Variants in KLHDC1 observed in about 807,000 individuals in gnomAD.
KLHDC1 encodes kelch domain-containing protein 1.
Under a neutral mutation model 68.3 loss-of-function variants are expected in KLHDC1, and 53 were observed. That is an observed-to-expected ratio of 0.78 (90% CI 0.62 to 0.98). The LOEUF (loss-of-function observed/expected upper bound fraction) is 0.98. Ranked by LOEUF, KLHDC1 falls within the 50% of genes least tolerant of loss-of-function variation. KLHDC1 has a pLI of 0.00. For missense variants in KLHDC1, 470 were observed against 492.3 expected, an observed-to-expected ratio of 0.95 and a Z score of 0.43; for synonymous variants, 148 against 159.0, an observed-to-expected ratio of 0.93 and a Z score of 0.52.
At chr14:49,717,057 A>G (rs771586398) in intron 4 of KLHDC1, among the ~76,000 whole-genome samples, 27 of 152,166 alleles carry the variant, frequency 1.8e-4, no homozygotes, top group Admixed American at 2.0e-4. Context: ...ATTCCTTTTT[A>G]TGGCTGAGTA....
chr14:49,733,430 C>CTTTTTTTTTTTTTTTTTTTTT (rs763516095), intron 9 of KLHDC1, among the ~76,000 whole-genome samples: 1 of 138,710 alleles, frequency 7.2e-6, no homozygotes, highest in Non-Finnish European at 1.6e-5. Flanking sequence ...ATTTTCTTTT[C>CTTTTTTTTTTTTTTTTTTTTT]TTTTTTTTTT....
At chr14:49,706,708 T>C (rs1195754267) in intron 1 of KLHDC1, among the ~76,000 whole-genome samples, 2 of 152,240 alleles carry the variant, frequency 1.3e-5, no homozygotes, top group Admixed American at 1.3e-4. Context: ...ATTGTAGTTT[T>C]GATTTGCACT....
chr14:49,709,961 G>A (rs1888156551), intron 3 of KLHDC1, 135 bp downstream of exon 3: 1 of 540,396 alleles, frequency 1.9e-6, no homozygotes, highest in African/African-American at 2.0e-5. Flanking sequence ...TTTTAAAGCT[G>A]GGTTGAAAAT....
At chr14:49,751,377 A>T (rs1889316767) in intron 12 of KLHDC1, among the ~76,000 whole-genome samples, 1 of 152,158 alleles carries the variant, frequency 6.6e-6, no homozygotes, top group Non-Finnish European at 1.5e-5. Flanking sequence ...CTATGACATG[A>T]TTATTATGCA....
intron 1 of KLHDC1, 29 bp downstream of exon 1, chr14:49,693,319 C>T (rs915465326): frequency 7.0e-7 from 1 of 1,420,942 alleles, no homozygotes; most frequent in Non-Finnish European, 9.3e-7. Context: ...ACGGGGTAGA[C>T]TCGCGCCGGG....
rs751183755 is a variant in KLHDC1 at position 49,709,837 on chromosome 14, C to A, written c.285+11C>A. On this transcript the variant is annotated intron_variant, in intron 3 of 12. Coordinates refer to ENST00000359332, the MANE Select transcript of KLHDC1 (RefSeq NM_172193.3). ...GGATACAGCAATCGAGTAATAATTT[C>A]TTTAATTCAAGAGTGCAGCAAAATG... 7.7e-6 allele frequency: 11 copies of A among 1,421,808 alleles called. No homozygotes were observed. Among genetic ancestry groups the A allele is most frequent in the Middle Eastern group, 1.8e-4 (1 of 5,646 alleles). The allele number at this position is 1,421,808 out of a possible 1,614,324, so 88.1% of individuals were successfully genotyped here. A position where few individuals can be genotyped will look rare whatever the true frequency, so the allele number is the denominator to read the frequency against.
intron 10 of KLHDC1, among the ~76,000 whole-genome samples, chr14:49,736,642 C>A (rs980701268): frequency 2.6e-5 from 4 of 152,152 alleles, no homozygotes; most frequent in African/African-American, 9.7e-5. Context: ...GAAATGTAAG[C>A]TGCCCAATTC....
Position 49,751,754 on chromosome 14 carries a change from G to C in KLHDC1, c.1203G>C (p.Gln401His). The change falls in exon 13 of 13, where the codon CAG (glutamine) becomes CAC (histidine). Residue 401 changes from glutamine (Q) to histidine (H), a missense_variant. By Grantham distance (24) the Gln-to-His change is conservative (BLOSUM62 0). Transcript: ENST00000359332. ...VQKEETENKYQWISSN is the reference protein window; with the variant it reads ...VQKEETENKYHWISSN ...AAGAAGAAACAGAAAATAAATATCA[G>C]TGGATCAGTAGCAATTAAATTGTTA... 6.4e-7 allele frequency: 1 copy of C among 1,569,614 alleles called. No individual in the cohort carries two copies.
intron 10 of KLHDC1, among the ~76,000 whole-genome samples, chr14:49,737,033 G>A (rs923032749): frequency 6.6e-6 from 1 of 152,204 alleles, no homozygotes; most frequent in African/African-American, 2.4e-5. Flanking sequence ...TGAAAAAGAT[G>A]TTAGAGAAAA....
At chr14:49,716,686 C>T (rs1346516882) in intron 4 of KLHDC1, among the ~76,000 whole-genome samples, 3 of 152,014 alleles carry the variant, frequency 2.0e-5, no homozygotes, top group African/African-American at 7.2e-5. Flanking sequence ...GCCCGGCTTG[C>T]TATACCTTTT....
intron 1 of KLHDC1, among the ~76,000 whole-genome samples, chr14:49,695,710 T>C (rs889001363): frequency 6.6e-6 from 1 of 152,192 alleles, no homozygotes; most frequent in Non-Finnish European, 1.5e-5. Context: ...GACTTCTCTC[T>C]AGCTATGAAA....
chr14:49,735,304 C>A (rs1460106329), intron 10 of KLHDC1, among the ~76,000 whole-genome samples: 1 of 151,796 alleles, frequency 6.6e-6, no homozygotes, highest in African/African-American at 2.4e-5. Flanking sequence ...ATAGGAAATT[C>A]AGATTCAGCA....
At chr14:49,698,122 G>A (rs193230041) in intron 1 of KLHDC1, among the ~76,000 whole-genome samples, 29 of 152,302 alleles carry the variant, frequency 1.9e-4, no homozygotes, top group African/African-American at 6.7e-4. Flanking sequence ...CTCTATTCTT[G>A]ATGTTGTAAA....
chr14:49,704,638 T>A (rs1406619676), intron 1 of KLHDC1, among the ~76,000 whole-genome samples: 1 of 152,040 alleles, frequency 6.6e-6, no homozygotes, highest in Non-Finnish European at 1.5e-5. Flanking sequence ...TCAGGTGATC[T>A]GCCCACCTCG....
At position 49,741,080 on chromosome 14, in the gene KLHDC1, C is replaced by T. The variant is rs137869348; in HGVS notation, c.981+898C>T. ...TTGTACTCCAGTCTGGGTGACAGAG[C>T]GAGACCCTGTCTCAAAGAAATATAT... On this transcript the variant is annotated intron_variant, in intron 11 of 12. Coordinates refer to ENST00000359332, the MANE Select transcript of KLHDC1 (RefSeq NM_172193.3). Among the ~76,000 whole-genome samples, 621 of 152,018 alleles carry T rather than the reference C, an allele frequency of 4.1e-3. 5 individuals carry two copies. The highest frequency in any genetic ancestry group is 6.9e-3 in the South Asian group (33 of 4,810).
chr14:49,733,890 C>T (rs1013031208), intron 9 of KLHDC1, among the ~76,000 whole-genome samples: 3 of 152,050 alleles, frequency 2.0e-5, no homozygotes, highest in African/African-American at 7.2e-5. Flanking sequence ...CAGACAAATT[C>T]CAGAGGTTAG....
At chr14:49,742,817 G>A (rs1889096911) in intron 11 of KLHDC1, among the ~76,000 whole-genome samples, 1 of 152,098 alleles carries the variant, frequency 6.6e-6, no homozygotes, top group Admixed American at 6.5e-5. Flanking sequence ...AGGCGTGGTG[G>A]CTCATACCTG....
chr14:49,729,805 T>G (rs1043087960), intron 8 of KLHDC1, among the ~76,000 whole-genome samples: 2 of 152,190 alleles, frequency 1.3e-5, no homozygotes, highest in Admixed American at 1.3e-4. Flanking sequence ...GATTGATCAG[T>G]AGAAGAAATG....
intron 4 of KLHDC1, among the ~76,000 whole-genome samples, chr14:49,713,813 TA>T (rs1888276228): frequency 2.2e-3 from 3 of 1,334 alleles, no homozygotes; most frequent in Non-Finnish European, 0.01. Context: ...TATATATATA[TA>T]TATATATATA....
Sources: allele counts gnomAD v4.1 joint callset (sites outside exome capture counted in the v4.1 genomes callset), GRCh38; gene constraint gnomAD v4.1.1; transcripts MANE v1.5; gene names NCBI Gene and HGNC (gene_info 2026-07-23, HGNC 2026-07-21).